Variants in ITFG2 observed in about 807,000 individuals in gnomAD.
ITFG2 encodes integrin alpha FG-GAP repeat containing 2, also known as KICSTOR complex protein ITFG2.
A neutral mutation model predicts 54.4 loss-of-function variants in ITFG2; 36 were observed. That is an observed-to-expected ratio of 0.66 (90% CI 0.51 to 0.87). The LOEUF is 0.87. ITFG2 is among the 40% of genes least tolerant of loss of function. The pLI, the probability that ITFG2 is intolerant of heterozygous loss-of-function variation, is 0.00. For synonymous variants in ITFG2, 211 were observed against 225.4 expected (o/e 0.94, Z 0.57); for missense variants, 524 against 576.7 (o/e 0.91, Z 0.94).
downstream of ITFG2, chr12:2,827,418 A>G: frequency 1.3e-6 from 2 of 1,521,074 alleles, no homozygotes; most frequent in South Asian, 1.3e-5. This position sits in a 1 kb window ranked among gnomAD's most constrained non-coding sequence, Gnocchi z 4.0. Flanking sequence ...CTCTTCCCCC[A>G]TCCCCATTTC....
At chr12:2,844,772 G>A (rs2098049614) in intron 2 of ITFG2, among the ~76,000 whole-genome samples, 1 of 152,022 alleles carries the variant, frequency 6.6e-6, no homozygotes. Context: ...CCCCTTCCTA[G>A]TGATACTCAG....
chr12:2,812,841 C>G lies in ITFG2; in HGVS notation c.81C>G (p.Asp27Glu), dbSNP rs750646933. 1 of 1,612,068 alleles carries G rather than the reference C, an allele frequency of 6.2e-7. No homozygotes were observed. Among genetic ancestry groups the G allele is most frequent in the Non-Finnish European group, 8.5e-7 (1 of 1,178,716 alleles). ...SLFPHAICLG[D>E]VDNDTLNELV... The stretch of plus-strand genomic sequence containing the variant: ...TCCCGCACGCAATCTGCCTCGGAGA[C>G]GTTGATAACGATACGGTAGGTGCAT... The change falls in exon 1 of 12, where the codon GAC (aspartate) becomes GAG (glutamate). Residue 27 changes from aspartate (D) to glutamate (E), a missense_variant. Physicochemically the swap from Asp to Glu is conservative, Grantham distance 45. Transcript: ENST00000228799.
intron 1 of ITFG2, among the ~76,000 whole-genome samples, chr12:2,840,506 A>G (rs1246949858): frequency 6.6e-6 from 1 of 151,310 alleles, no homozygotes; most frequent in Non-Finnish European, 1.5e-5. Flanking sequence ...CATAAACTCA[A>G]TATAATTCTA....
intron 3 of ITFG2, chr12:2,858,617 C>T: frequency 6.2e-7 from 1 of 1,603,250 alleles, no homozygotes; most frequent in African/African-American, 1.3e-5. Context: ...ACAGCTTGAG[C>T]ACAGGGGCAA....
chr12:2,839,081 C>T (rs2098034943), intron 1 of ITFG2, among the ~76,000 whole-genome samples: 1 of 151,852 alleles, frequency 6.6e-6, no homozygotes, highest in Non-Finnish European at 1.5e-5. Flanking sequence ...CACTTGAGGT[C>T]AGGAGTTCGA....
In ITFG2 at chr12:2,821,369, T is replaced by C. The variant is rs1565414835; in HGVS notation, c.793+10T>C. The C allele has an allele frequency of 6.3e-7, 1 of 1,597,510 alleles. No homozygotes were observed. Among genetic ancestry groups the C allele is most frequent in the Admixed American group, 1.7e-5 (1 of 57,964 alleles). On this transcript the variant is annotated intron_variant, in intron 7 of 11. Coordinates refer to ENST00000228799, the MANE Select transcript of ITFG2 (RefSeq NM_018463.4). ...GGCAACATCAAACAAGGTGAAAGTG[T>C]GGTGGGTGTGAGGGAGGGAGATGAG... is the stretch of plus-strand genomic sequence containing the variant.
In ITFG2 at chr12:2,824,347, T is replaced by C; in HGVS notation, c.*154T>C. 1.3e-6 allele frequency: 1 copy of C among 794,708 alleles called. No homozygotes were observed. The highest frequency in any genetic ancestry group is 2.7e-5 in the East Asian group (1 of 37,436). 49.2% of individuals were successfully genotyped at this position (794,708 alleles called of 1,614,324 possible). On this transcript the variant is annotated 3_prime_UTR_variant, in exon 12 of 12. Coordinates refer to ENST00000228799, the MANE Select transcript of ITFG2 (RefSeq NM_018463.4). ...GATGGCAGCAGCCCTAGGGTGACCG[T>C]GAACTATAGACCTCGCAGTCTTTTC... is the stretch of plus-strand genomic sequence containing the variant.
Position 2,837,007 on chromosome 12 carries a change from C to T in ITFG2, n.146+51C>T, listed in dbSNP as rs1220464240. ...TAGCCACTCAAGCTTGTGATACATA[C>T]TTTGTTATGGCATCCCCAGGAAACT... On this transcript the variant is annotated intron_variant and non_coding_transcript_variant, in intron 1 of 3. Transcript: ENST00000537710. The T allele has an allele frequency of 2.0e-5, 3 of 152,240 alleles. 1 individual carries two copies. The highest frequency in any genetic ancestry group is 4.4e-5 in the Non-Finnish European group (3 of 68,066). 9.4% of individuals were successfully genotyped at this position (152,240 alleles called of 1,614,324 possible).
intron 1 of ITFG2, among the ~76,000 whole-genome samples, chr12:2,815,181 A>C (rs567538974): frequency 6.6e-6 from 1 of 152,314 alleles, no homozygotes; most frequent in East Asian, 1.9e-4. Flanking sequence ...ATTTGTTTCT[A>C]ACTTTTCCTT....
chr12:2,828,147 C>T, downstream of ITFG2: 2 of 1,267,720 alleles, frequency 1.6e-6, no homozygotes, highest in East Asian at 4.6e-5. Flanking sequence ...CATCTCCAAC[C>T]CCTGACCTCA....
At chr12:2,840,732 G>A (rs1159250086) in intron 1 of ITFG2, 2 of 152,188 alleles carry the variant, frequency 1.3e-5, no homozygotes, top group African/African-American at 4.8e-5. Context: ...CTTTCAGTGA[G>A]CTGAGATCAC....
chr12:2,822,850 T>A lies in ITFG2; in HGVS notation c.1005T>A (p.Ile335=), dbSNP rs771518922. 4.3e-6 allele frequency: 7 copies of A among 1,614,178 alleles called. No homozygotes were observed. The highest frequency in any genetic ancestry group is 5.9e-6 in the Non-Finnish European group (7 of 1,180,040). The change falls in exon 10 of 12, where the codon ATT becomes ATA. Residue 335 remains isoleucine (I), a synonymous_variant. Transcript: ENST00000228799. ...ACAWDGQTYI[I]DHNRTVVRFQ... is the part of the protein sequence containing the mutation. ...CCTGGGATGGACAGACATATATCAT[T>A]GATCACAACCGCACCGTCGTCCGCT...
At chr12:2,827,694 A>T (rs763437692), downstream of ITFG2, 15 of 1,613,942 alleles carry the variant, frequency 9.3e-6, no homozygotes, top group South Asian at 1.4e-4. This position sits in a 1 kb window ranked among gnomAD's most constrained non-coding sequence, Gnocchi z 4.0. Context: ...GAACAATTTG[A>T]AAACAGAAGA....
chr12:2,813,420 T>C (rs2097914078), intron 1 of ITFG2, among the ~76,000 whole-genome samples: 1 of 152,218 alleles, frequency 6.6e-6, no homozygotes, highest in Non-Finnish European at 1.5e-5. Flanking sequence ...TGCAAATCTT[T>C]ACTGAACTGC....
intron 2 of ITFG2, among the ~76,000 whole-genome samples, chr12:2,841,676 A>T (rs910244926): frequency 6.6e-6 from 1 of 152,064 alleles, no homozygotes; most frequent in Non-Finnish European, 1.5e-5. Flanking sequence ...TGTGTGAAAC[A>T]TCTCATGAAT....
chr12:2,859,599 A>G lies in ITFG2; in HGVS notation n.686A>G. 1 of 1,613,466 alleles carries G rather than the reference A, an allele frequency of 6.2e-7. No individual in the cohort carries two copies. The highest frequency in any genetic ancestry group is 1.7e-5 in the Admixed American group (1 of 59,982). ...AGGAGAAAACCCTTCTCCAAACAGG[A>G]GTTTCTCCTCTTTCCCTGGTCCTGC... On this transcript the variant is annotated non_coding_transcript_exon_variant, in exon 4 of 4. Coordinates refer to the ITFG2 transcript ENST00000537710.
downstream of ITFG2, chr12:2,827,282 C>T (rs1370964628): frequency 6.2e-7 from 1 of 1,613,968 alleles, no homozygotes. This position sits in a 1 kb window ranked among gnomAD's most constrained non-coding sequence, Gnocchi z 4.0. Context: ...GCACTCCGTG[C>T]TCCAGGTCGA....
At chr12:2,824,032 A>G in intron 11 of ITFG2, 58 bp from the exon 12 acceptor site, 2 of 1,613,642 alleles carry the variant, frequency 1.2e-6, no homozygotes, top group Non-Finnish European at 1.7e-6. Context: ...CAGAAAAGCC[A>G]GTGGCCCGGG....
intron 2 of ITFG2, chr12:2,855,064 G>A (rs2098082966): frequency 6.5e-7 from 1 of 1,536,080 alleles, no homozygotes; most frequent in Non-Finnish European, 8.7e-7. Flanking sequence ...GTGGATGAAG[G>A]TCAGGAAGCT....
Sources: allele counts gnomAD v4.1 joint callset (sites outside exome capture counted in the v4.1 genomes callset), GRCh38; gene constraint gnomAD v4.1.1; non-coding constraint Gnocchi (gnomAD v3.1); transcripts MANE v1.5; gene names NCBI Gene and HGNC (gene_info 2026-07-23, HGNC 2026-07-21).